NRXN3: variants seen among roughly 807,000 people sequenced by gnomAD.
NRXN3 encodes the protein neurexin 3.
Under a neutral mutation model 137.6 loss-of-function variants are expected in NRXN3, and 32 were observed. The ratio of observed to expected loss-of-function variants is 0.23; its 90% CI spans 0.18 to 0.31. The LOEUF is 0.31. Among genes scored for constraint, NRXN3 ranks in the 10% least tolerant of loss-of-function variants. The pLI is 1.00. For missense variants in NRXN3, 1,574 were observed against 2,062.5 expected, an observed-to-expected ratio of 0.76 and a Z score of 4.59; for synonymous variants, 798 against 784.5, an observed-to-expected ratio of 1.02 and a Z score of -0.29.
At chr14:79,231,306 T>G (rs577830887) in intron 15 of NRXN3, among the ~76,000 whole-genome samples, 1 of 152,248 alleles carries the variant, frequency 6.6e-6, no homozygotes, top group South Asian at 2.1e-4. Context: ...TTAATATGAT[T>G]AGTTTCCTAA....
intron 19 of NRXN3, among the ~76,000 whole-genome samples, chr14:79,730,626 C>T (rs2098918551): frequency 6.6e-6 from 1 of 152,086 alleles, no homozygotes; most frequent in African/African-American, 2.4e-5. Flanking sequence ...TCTCTGTAGC[C>T]TGTTATAATG....
chr14:78,794,090 A>T (rs2098813793), intron 8 of NRXN3, among the ~76,000 whole-genome samples: 1 of 152,224 alleles, frequency 6.6e-6, no homozygotes, highest in Admixed American at 6.5e-5. Context: ...AGTTCAAATA[A>T]TAACACCAGA....
intron 4 of NRXN3, among the ~76,000 whole-genome samples, chr14:78,483,283 T>G (rs1424801351): frequency 2.6e-5 from 4 of 152,240 alleles, no homozygotes; most frequent in African/African-American, 9.6e-5. Flanking sequence ...ACATTTACTG[T>G]TAATCTGCTG....
chr14:78,899,495 T>G (rs2099188681), intron 10 of NRXN3, among the ~76,000 whole-genome samples: 1 of 152,132 alleles, frequency 6.6e-6, no homozygotes, highest in Admixed American at 6.6e-5. Context: ...GTGTGTATGG[T>G]TGCCAGGGAT....
chr14:79,557,931 A>G (rs140835745), intron 16 of NRXN3, among the ~76,000 whole-genome samples: 13 of 152,304 alleles, frequency 8.5e-5, no homozygotes, highest in African/African-American at 3.1e-4. Flanking sequence ...CTGCTCCCTT[A>G]TCAACTAAGT....
At chr14:78,754,632 A>G (rs868555696) in intron 8 of NRXN3, among the ~76,000 whole-genome samples, 5 of 152,212 alleles carry the variant, frequency 3.3e-5, no homozygotes, top group African/African-American at 1.2e-4. Context: ...TTAGTAGTGC[A>G]GTGGTTTTCA....
At chr14:79,366,437 A>C (rs1013787838) in intron 15 of NRXN3, among the ~76,000 whole-genome samples, 1 of 152,116 alleles carries the variant, frequency 6.6e-6, no homozygotes, top group Non-Finnish European at 1.5e-5. Context: ...TGCACCCGCT[A>C]ACTGTCTCTA....
chr14:78,510,829 A>G (rs868119848), intron 4 of NRXN3, among the ~76,000 whole-genome samples: 2 of 152,188 alleles, frequency 1.3e-5, no homozygotes, highest in South Asian at 4.1e-4. Context: ...CTAACGTCTC[A>G]TTGCTAACAC....
At chr14:78,480,959 C>T (rs1342488908) in intron 4 of NRXN3, among the ~76,000 whole-genome samples, 2 of 152,154 alleles carry the variant, frequency 1.3e-5, no homozygotes, top group Admixed American at 6.6e-5. Context: ...TACGTTGTCT[C>T]TCCTTTGTGA....
In NRXN3 at chr14:78,324,204, C is replaced by T. The variant is rs116545146; in HGVS notation, c.757+26344C>T. ...TTCATCTGTATTATGGGGATAAACC[C>T]GCTTACCACATGGGGTATGAGGATC... On this transcript the variant is annotated intron_variant, in intron 4 of 20. Transcript: ENST00000335750. 9.4e-3 allele frequency among the ~76,000 whole-genome samples: 1,423 copies of T among 152,106 alleles called. 40 individuals carry two copies. The highest frequency in any genetic ancestry group is 0.033 in the African/African-American group (1,353 of 41,414).
At chr14:79,390,464 T>C (rs2094808783) in intron 15 of NRXN3, among the ~76,000 whole-genome samples, 1 of 152,134 alleles carries the variant, frequency 6.6e-6, no homozygotes, top group African/African-American at 2.4e-5. Flanking sequence ...AATCATACTT[T>C]CCAAAATATG....
At chr14:78,911,014 G>A (rs959680447) in intron 10 of NRXN3, among the ~76,000 whole-genome samples, 9 of 151,978 alleles carry the variant, frequency 5.9e-5, no homozygotes, top group African/African-American at 2.2e-4. Flanking sequence ...CAGAGTTCTG[G>A]TATTCCTATA....
At chr14:79,188,630 T>C (rs8007278) in intron 15 of NRXN3, among the ~76,000 whole-genome samples, 40,214 of 152,124 alleles carry the variant, frequency 0.26, 6,200 homozygotes, top group Non-Finnish European at 0.36. Context: ...TACTTTTGAA[T>C]AGCTATCATT....
intron 19 of NRXN3, among the ~76,000 whole-genome samples, chr14:79,775,569 A>T (rs910255416): frequency 6.6e-6 from 1 of 151,778 alleles, no homozygotes; most frequent in Non-Finnish European, 1.5e-5. Flanking sequence ...AAAAAAAAAA[A>T]AAAAGGAGAA....
At chr14:78,682,894 A>G (rs2098090016) in intron 6 of NRXN3, among the ~76,000 whole-genome samples, 1 of 152,238 alleles carries the variant, frequency 6.6e-6, no homozygotes. Flanking sequence ...ATCAAGTATT[A>G]TCAGAAAGCA....
intron 2 of NRXN3, among the ~76,000 whole-genome samples, chr14:78,262,242 A>T (rs1053834404): frequency 6.6e-5 from 10 of 152,086 alleles, no homozygotes; most frequent in African/African-American, 2.4e-4. Context: ...AGTATGGTTG[A>T]TGGGTAGTGA....
intron 4 of NRXN3, among the ~76,000 whole-genome samples, chr14:78,599,598 C>G (rs1227530050): frequency 6.6e-6 from 1 of 152,136 alleles, no homozygotes; most frequent in East Asian, 1.9e-4. Context: ...TTTCCTGTAC[C>G]CCTCCAACCC....
intron 15 of NRXN3, among the ~76,000 whole-genome samples, chr14:79,243,502 C>A (rs2074637680): frequency 6.6e-6 from 1 of 152,142 alleles, no homozygotes; most frequent in African/African-American, 2.4e-5. Flanking sequence ...ATGCGTAAAA[C>A]AATCCAGTGA....
intron 4 of NRXN3, among the ~76,000 whole-genome samples, chr14:78,379,552 A>T (rs981075966): frequency 6.6e-6 from 1 of 152,260 alleles, no homozygotes; most frequent in Admixed American, 6.5e-5. Flanking sequence ...ACTTGACAAA[A>T]TTCAACACTT....
Sources: gnomAD v4.1 joint callset for allele counts (sites outside exome capture counted in the v4.1 genomes callset) on GRCh38, gnomAD v4.1.1 for gene constraint, MANE v1.5 for transcripts, NCBI Gene and HGNC (gene_info 2026-07-23, HGNC 2026-07-21) for gene names.